Variants in SLC4A4 observed in about 807,000 individuals in gnomAD.
SLC4A4 encodes electrogenic sodium bicarbonate cotransporter 1.
A neutral mutation model predicts 111.5 loss-of-function variants in SLC4A4; 27 were observed. The ratio of observed to expected loss-of-function variants is 0.24; its 90% CI spans 0.18 to 0.33. The LOEUF is 0.33. Among genes scored for constraint, SLC4A4 ranks in the 10% least tolerant of loss-of-function variants. The probability of loss-of-function intolerance (pLI) is 1.00; values close to 1 mark genes in which losing one functional copy is unlikely to be tolerated. For synonymous variants in SLC4A4, 443 were observed against 463.4 expected (o/e 0.96, Z 0.57); for missense variants, 909 against 1,315.5 (o/e 0.69, Z 4.78).
chr4:71,296,347 A>G (rs1429195818), intron 3 of SLC4A4, among the ~76,000 whole-genome samples: 1 of 152,180 alleles, frequency 6.6e-6, no homozygotes, highest in Non-Finnish European at 1.5e-5. Context: ...GAAAGATACT[A>G]ACTTGTGTTT....
At chr4:71,182,106 G>C (rs1745311965) in intron 2 of SLC4A4, among the ~76,000 whole-genome samples, 1 of 152,106 alleles carries the variant, frequency 6.6e-6, no homozygotes, top group South Asian at 2.1e-4. Context: ...AACTTTTCTT[G>C]TTCTAGGAAT....
chr4:71,402,531 G>T (rs1423598588), intron 7 of SLC4A4, among the ~76,000 whole-genome samples: 1 of 152,180 alleles, frequency 6.6e-6, no homozygotes, highest in African/African-American at 2.4e-5. Context: ...CAGTGTCTAA[G>T]AAAGATTCAT....
chr4:71,063,943 GT>G (rs1741450209), intron 1 of SLC4A4, among the ~76,000 whole-genome samples: 1 of 145,750 alleles, frequency 6.9e-6, no homozygotes, highest in African/African-American at 2.8e-5. Context: ...CATTTGTAAA[GT>G]GCTTTATTGT....
At chr4:71,403,209 G>C (rs1470710155) in intron 7 of SLC4A4, among the ~76,000 whole-genome samples, 1 of 152,148 alleles carries the variant, frequency 6.6e-6, no homozygotes, top group Non-Finnish European at 1.5e-5. Flanking sequence ...GGAGCCTTTT[G>C]TGAAATTTAG....
At chr4:71,238,650 A>T (rs1719969847) in intron 2 of SLC4A4, among the ~76,000 whole-genome samples, 1 of 152,120 alleles carries the variant, frequency 6.6e-6, no homozygotes, top group South Asian at 2.1e-4. Flanking sequence ...GCCCCATAAG[A>T]AGATTGCTTA....
chr4:71,159,369 T>A (rs963177106), intron 2 of SLC4A4, among the ~76,000 whole-genome samples: 1 of 152,136 alleles, frequency 6.6e-6, no homozygotes, highest in Non-Finnish European at 1.5e-5. Context: ...AATATTTTAT[T>A]TTTTTTAAAT....
At chr4:71,234,764 A>G (rs1455123818) in intron 1 of SLC4A4, among the ~76,000 whole-genome samples, 8 of 152,178 alleles carry the variant, frequency 5.3e-5, no homozygotes. Context: ...CTTTTCCACC[A>G]GAATCTTGAT....
chr4:71,073,153 C>T (rs992158372), intron 1 of SLC4A4, among the ~76,000 whole-genome samples: 7 of 152,104 alleles, frequency 4.6e-5, no homozygotes, highest in African/African-American at 1.4e-4. Context: ...TAACCAGTCA[C>T]ATTGCTGAAT....
At chr4:71,120,386 G>A (rs1331313600) in intron 2 of SLC4A4, among the ~76,000 whole-genome samples, 1 of 152,126 alleles carries the variant, frequency 6.6e-6, no homozygotes, top group African/African-American at 2.4e-5. Context: ...AGCTTACTGA[G>A]GAGAGCTTTT....
intron 2 of SLC4A4, among the ~76,000 whole-genome samples, chr4:71,158,330 C>G (rs192999199): frequency 3.3e-5 from 5 of 152,212 alleles, no homozygotes; most frequent in Admixed American, 2.6e-4. Context: ...CTTACACTGG[C>G]AAGGAAACCA....
At chr4:71,157,755 A>G (rs1157610735) in intron 2 of SLC4A4, among the ~76,000 whole-genome samples, 1 of 152,124 alleles carries the variant, frequency 6.6e-6, no homozygotes, top group Non-Finnish European at 1.5e-5. Flanking sequence ...TACACTACAC[A>G]TGTAAGAATC....
intron 14 of SLC4A4, among the ~76,000 whole-genome samples, chr4:71,483,489 G>T (rs1009747437): frequency 6.6e-6 from 1 of 151,832 alleles, no homozygotes; most frequent in Admixed American, 6.6e-5. Flanking sequence ...CCATATCCCT[G>T]CAAAGGGCAT....
At chr4:71,479,601 A>G (rs1025653233) in intron 14 of SLC4A4, among the ~76,000 whole-genome samples, 8 of 151,730 alleles carry the variant, frequency 5.3e-5, no homozygotes, top group African/African-American at 1.7e-4. Flanking sequence ...AATATATGCA[A>G]TTTTATTTTT....
intron 3 of SLC4A4, among the ~76,000 whole-genome samples, chr4:71,295,260 C>G (rs550399413): frequency 1.1e-4 from 16 of 152,160 alleles, no homozygotes; most frequent in Non-Finnish European, 1.8e-4. Flanking sequence ...AGGAACGGAA[C>G]TGTTGCTGTA....
At chr4:71,176,816 G>A (rs943844723) in intron 2 of SLC4A4, among the ~76,000 whole-genome samples, 1 of 152,114 alleles carries the variant, frequency 6.6e-6, no homozygotes, top group Non-Finnish European at 1.5e-5. Context: ...TCAAATTCAG[G>A]AAATACAGAG....
chr4:71,405,162 A>G (rs896060833), intron 7 of SLC4A4, among the ~76,000 whole-genome samples: 7 of 152,040 alleles, frequency 4.6e-5, no homozygotes, highest in Non-Finnish European at 8.8e-5. Flanking sequence ...ATTATCCACA[A>G]TATTTTTTAA....
At chr4:71,423,730 A>T (rs1236285265) in intron 7 of SLC4A4, among the ~76,000 whole-genome samples, 1 of 152,376 alleles carries the variant, frequency 6.6e-6, no homozygotes, top group East Asian at 1.9e-4. Flanking sequence ...GAGAAAAACA[A>T]GCAATGGGGA....
At chr4:71,548,160 A>G (rs1248370110) in intron 20 of SLC4A4, among the ~76,000 whole-genome samples, 1 of 151,872 alleles carries the variant, frequency 6.6e-6, no homozygotes, top group Non-Finnish European at 1.5e-5. Flanking sequence ...GTGATGCAGG[A>G]TAACCATTTT....
intron 2 of SLC4A4, among the ~76,000 whole-genome samples, chr4:71,109,618 C>T (rs552046129): frequency 1.3e-5 from 2 of 152,016 alleles, no homozygotes; most frequent in African/African-American, 2.4e-5. Flanking sequence ...TCTCAGCTCA[C>T]TGCAACCTAT....
Sources: allele counts gnomAD v4.1 joint callset (sites outside exome capture counted in the v4.1 genomes callset), GRCh38; gene constraint gnomAD v4.1.1; transcripts MANE v1.5; gene names NCBI Gene and HGNC (gene_info 2026-07-23, HGNC 2026-07-21).